NRG3: variants seen among roughly 807,000 people sequenced by gnomAD.
The protein encoded by NRG3 is pro-neuregulin-3, membrane-bound isoform.
Under a neutral mutation model 66.9 loss-of-function variants are expected in NRG3, and 31 were observed. The ratio of observed to expected loss-of-function variants is 0.46; its 90% CI spans 0.35 to 0.63. NRG3 has a LOEUF of 0.63. Ranked by LOEUF, NRG3 falls within the 20% of genes least tolerant of loss-of-function variation. The pLI, the probability that NRG3 is intolerant of heterozygous loss-of-function variation, is 0.00. For synonymous variants in NRG3, 393 were observed against 359.4 expected (o/e 1.09, Z -1.06); for missense variants, 910 against 878.9 (o/e 1.04, Z -0.45).
intron 1 of NRG3, among the ~76,000 whole-genome samples, chr10:82,316,465 C>G (rs1392951550): frequency 1.3e-5 from 2 of 152,142 alleles, no homozygotes; most frequent in Admixed American, 6.5e-5. Context: ...ACCTGGATTT[C>G]AAATTCAGTA....
intron 3 of NRG3, among the ~76,000 whole-genome samples, chr10:82,856,654 G>A (rs1469795404): frequency 1.4e-5 from 2 of 138,980 alleles, no homozygotes; most frequent in African/African-American, 5.4e-5. Context: ...TGAGACAGGA[G>A]AATCACTTAA....
intron 2 of NRG3, among the ~76,000 whole-genome samples, chr10:82,378,581 C>A (rs2085412315): frequency 6.6e-6 from 1 of 151,092 alleles, no homozygotes; most frequent in Non-Finnish European, 1.5e-5. Flanking sequence ...CTTTTCTTTT[C>A]TTTCTTTTTG....
intron 6 of NRG3, among the ~76,000 whole-genome samples, chr10:82,968,346 C>A (rs1592123333): frequency 6.6e-6 from 1 of 152,010 alleles, no homozygotes. Context: ...AAACAAAATG[C>A]TGTGAGAGAA....
At chr10:82,446,374 T>C (rs1399970233) in intron 2 of NRG3, among the ~76,000 whole-genome samples, 4 of 152,272 alleles carry the variant, frequency 2.6e-5, no homozygotes, top group East Asian at 1.9e-4. Flanking sequence ...AGCAAAGACA[T>C]GGGATCAACC....
intron 1 of NRG3, among the ~76,000 whole-genome samples, chr10:81,939,377 G>A (rs899943845): frequency 6.6e-6 from 1 of 152,014 alleles, no homozygotes; most frequent in African/African-American, 2.4e-5. Flanking sequence ...GAATTCTCCA[G>A]TGATGCTGTT....
intron 2 of NRG3, among the ~76,000 whole-genome samples, chr10:82,722,357 G>A (rs1359649346): frequency 2.6e-5 from 4 of 152,066 alleles, no homozygotes; most frequent in Non-Finnish European, 5.9e-5. Flanking sequence ...TCTAAGATAC[G>A]CTATAATATT....
intron 1 of NRG3, chr10:81,878,136 G>T: frequency 6.9e-7 from 1 of 1,446,212 alleles, no homozygotes; most frequent in Non-Finnish European, 9.1e-7. Flanking sequence ...CCTACATTCC[G>T]TGGACGGGAA....
At chr10:82,585,549 T>A (rs1450785734) in intron 2 of NRG3, among the ~76,000 whole-genome samples, 1 of 152,184 alleles carries the variant, frequency 6.6e-6, no homozygotes, top group East Asian at 1.9e-4. Context: ...CTTCTCCGGC[T>A]ACACAGTAGT....
At chr10:82,035,943 A>G (rs571476808) in intron 1 of NRG3, among the ~76,000 whole-genome samples, 244 of 152,270 alleles carry the variant, frequency 1.6e-3, no homozygotes, top group Admixed American at 3.8e-3. Context: ...GTCTTACAAT[A>G]TCATGAGGTC....
At chr10:82,184,117 G>C (rs1374043153) in intron 1 of NRG3, among the ~76,000 whole-genome samples, 1 of 152,066 alleles carries the variant, frequency 6.6e-6, no homozygotes, top group Non-Finnish European at 1.5e-5. Context: ...TCAAGGTGTG[G>C]TCTGCAGAGA....
At chr10:82,783,636 A>G (rs2060213826) in intron 3 of NRG3, among the ~76,000 whole-genome samples, 1 of 152,120 alleles carries the variant, frequency 6.6e-6, no homozygotes, top group African/African-American at 2.4e-5. Context: ...AATACCTAGG[A>G]ATCCAACTTA....
chr10:82,477,535 T>C (rs1201034770), intron 2 of NRG3, among the ~76,000 whole-genome samples: 1 of 152,114 alleles, frequency 6.6e-6, no homozygotes, highest in Non-Finnish European at 1.5e-5. Context: ...ACTTATGCTA[T>C]AGAGAGAGAA....
At position 82,375,346 on chromosome 10, in the gene NRG3, G is replaced by A. The variant is rs1342245922; in HGVS notation, c.953+16478G>A. 2.0e-5 allele frequency among the ~76,000 whole-genome samples: 3 copies of A among 152,186 alleles called. No homozygotes were observed. The East Asian group carries it at 5.8e-4, about 30-fold the overall frequency. ...AGGTCAGGAGATGGAGACCATCCTG[G>A]CTAACACGGTAAAACCCCGTCTCTA... On this transcript the variant is annotated intron_variant, in intron 2 of 8. Coordinates refer to ENST00000372141, the MANE Select transcript of NRG3 (RefSeq NM_001010848.4).
chr10:81,925,092 A>G (rs1846639632), intron 1 of NRG3, among the ~76,000 whole-genome samples: 1 of 152,186 alleles, frequency 6.6e-6, no homozygotes. Flanking sequence ...TTCAGGTCTC[A>G]AAGAGCTTCC....
At chr10:82,011,224 A>G (rs369253633) in intron 1 of NRG3, among the ~76,000 whole-genome samples, 1 of 152,272 alleles carries the variant, frequency 6.6e-6, no homozygotes, top group East Asian at 1.9e-4. Context: ...GCCACGTCTT[A>G]AATGATAACA....
chr10:82,163,356 T>C (rs1292023683), intron 1 of NRG3, among the ~76,000 whole-genome samples: 1 of 152,194 alleles, frequency 6.6e-6, no homozygotes, highest in Non-Finnish European at 1.5e-5. Flanking sequence ...ATATGAACTT[T>C]TCATTCCTGT....
chr10:82,388,258 G>A (rs1235113265), intron 2 of NRG3, among the ~76,000 whole-genome samples: 1 of 152,120 alleles, frequency 6.6e-6, no homozygotes, highest in African/African-American at 2.4e-5. Context: ...GTTTTTTTAT[G>A]AACAAATGTG....
intron 2 of NRG3, among the ~76,000 whole-genome samples, chr10:82,501,517 C>T (rs1844186702): frequency 6.6e-6 from 1 of 152,116 alleles, no homozygotes; most frequent in Non-Finnish European, 1.5e-5. Context: ...ATTTTAAACT[C>T]TCCTGGCCCC....
chr10:82,007,031 A>ATCGAT (rs1362529545), intron 1 of NRG3, among the ~76,000 whole-genome samples: 1 of 152,032 alleles, frequency 6.6e-6, no homozygotes, highest in African/African-American at 2.4e-5. Context: ...CCTTAAGGAC[A>ATCGAT]TTTGGGCATA....
Sources: allele counts gnomAD v4.1 joint callset (sites outside exome capture counted in the v4.1 genomes callset), GRCh38; gene constraint gnomAD v4.1.1; transcripts MANE v1.5; gene names NCBI Gene and HGNC (gene_info 2026-07-23, HGNC 2026-07-21).